Variants in WDR41 observed in about 807,000 individuals in gnomAD.
The protein encoded by WDR41 is WD repeat-containing protein 41.
In WDR41, 63 loss-of-function variants were observed where a neutral mutation model predicts 69.3. The observed-to-expected ratio is 0.91, with a 90% CI of 0.74 to 1.12. The LOEUF is 1.12. Among genes scored for constraint, WDR41 ranks in the 50% most tolerant of loss-of-function variants. The probability of loss-of-function intolerance (pLI) is 0.00; values close to 1 mark genes in which losing one functional copy is unlikely to be tolerated. For synonymous variants in WDR41, 185 were observed against 192.1 expected, an observed-to-expected ratio of 0.96 and a Z score of 0.31; for missense variants, 543 against 534.5, an observed-to-expected ratio of 1.02 and a Z score of -0.16.
At position 77,464,274 on chromosome 5, in the gene WDR41, C is replaced by CTTTTTT. The variant is rs71606297; in HGVS notation, c.216+481_216+486dup. Among the ~76,000 whole-genome samples the CTTTTTT allele has an allele frequency of 1.7e-3, 161 of 94,224 alleles. 3 individuals carry two copies. The highest frequency in any genetic ancestry group is 2.5e-3 in the African/African-American group (59 of 23,224). 61.8% of individuals were successfully genotyped at this position (94,224 alleles called of 152,430 possible). On this transcript the variant is annotated intron_variant, in intron 3 of 12. Coordinates refer to ENST00000296679, the MANE Select transcript of WDR41 (RefSeq NM_018268.4). ...TTGGCATTTGTTTCTTAGGAAAAAA[C>CTTTTTT]TTTTTTTTTTTTTTTTTTTTTTTGA...
At chr5:77,440,708 T>TG (rs1799124252) in intron 9 of WDR41, 105 bp downstream of exon 9, 1 of 1,110,430 alleles carries the variant, frequency 9.0e-7, no homozygotes, top group East Asian at 2.5e-5. Context: ...CCTGAAACCA[T>TG]GAATGATACC....
At chr5:77,530,915 T>C (rs1156399573) in intron 1 of WDR41, among the ~76,000 whole-genome samples, 1 of 151,780 alleles carries the variant, frequency 6.6e-6, no homozygotes, top group Non-Finnish European at 1.5e-5. Flanking sequence ...TAAATGTTAA[T>C]GGTACAAGAA....
At chr5:77,451,599 T>C (rs932694265) in intron 6 of WDR41, 1 of 396,692 alleles carries the variant, frequency 2.5e-6, no homozygotes, top group Non-Finnish European at 4.6e-6. Flanking sequence ...TTTTGTACTT[T>C]TTTTTACTAT....
intron 1 of WDR41, among the ~76,000 whole-genome samples, chr5:77,589,275 C>T (rs1744094530): frequency 6.6e-6 from 1 of 152,122 alleles, no homozygotes; most frequent in African/African-American, 2.4e-5. Flanking sequence ...ACCATATTTA[C>T]TATGGTTTTT....
intron 1 of WDR41, among the ~76,000 whole-genome samples, chr5:77,521,358 C>A (rs1802368746): frequency 6.6e-6 from 1 of 152,232 alleles, no homozygotes; most frequent in South Asian, 2.1e-4. Context: ...ATGCCGGCTC[C>A]CATGCCACTC....
chr5:77,492,526 C>T (rs1801860275), upstream of WDR41: 4 of 355,202 alleles, frequency 1.1e-5, no homozygotes, highest in East Asian at 4.4e-5. Flanking sequence ...GCGGGAGCGC[C>T]GCCGGGTAGC....
chr5:77,475,034 C>T (rs1255144413), intron 2 of WDR41, among the ~76,000 whole-genome samples: 3 of 152,192 alleles, frequency 2.0e-5, no homozygotes, highest in African/African-American at 7.2e-5. Flanking sequence ...GTTCCCTTTC[C>T]TAGTCAAAGA....
chr5:77,589,692 C>A (rs1744102273), intron 1 of WDR41, among the ~76,000 whole-genome samples: 1 of 152,008 alleles, frequency 6.6e-6, no homozygotes, highest in Non-Finnish European at 1.5e-5. Flanking sequence ...GTATTTTGAT[C>A]TTGCCAAATT....
chr5:77,448,797 G>C (rs1249669296), intron 8 of WDR41, among the ~76,000 whole-genome samples: 1 of 151,990 alleles, frequency 6.6e-6, no homozygotes, highest in Non-Finnish European at 1.5e-5. Context: ...GAACCCGGGG[G>C]GCAGAGGTTG....
At chr5:77,478,096 A>T (rs1271459342) in intron 2 of WDR41, among the ~76,000 whole-genome samples, 5 of 152,228 alleles carry the variant, frequency 3.3e-5, no homozygotes, top group Non-Finnish European at 7.3e-5. Context: ...AAATTCCTCG[A>T]CACATACACC....
rs148957435 is a variant in WDR41, at chr5:77,440,916, C to G, written c.779G>C (p.Arg260Pro). 6.2e-7 allele frequency: 1 copy of G among 1,614,064 alleles called. No homozygotes were observed. Among genetic ancestry groups the G allele is most frequent in the East Asian group, 2.2e-5 (1 of 44,858 alleles). ...ALDWTMQAYE[R>P]NFWDPSPQLD... is the part of the protein sequence containing the mutation. ...TTGTGGAGATGGGTCCCAGAAGTTGCGTTCATAGGCCTGCATGGTCCAGTC... is the reference window on the plus strand; with the variant it reads ...TTGTGGAGATGGGTCCCAGAAGTTGGGTTCATAGGCCTGCATGGTCCAGTC... Residue 260 changes from arginine to proline, a missense_variant, in exon 9 of 13, where the codon CGC becomes CCC. Transcript: ENST00000296679.
chr5:77,595,339 G>A (rs553001444), intron 1 of WDR41, among the ~76,000 whole-genome samples: 1 of 152,202 alleles, frequency 6.6e-6, no homozygotes, highest in East Asian at 1.9e-4. Context: ...TTTTATGTAC[G>A]TTATTTTTCA....
intron 2 of WDR41, among the ~76,000 whole-genome samples, chr5:77,474,840 G>A (rs922889585): frequency 5.9e-5 from 9 of 152,080 alleles, no homozygotes; most frequent in Non-Finnish European, 8.8e-5. Flanking sequence ...GAACAGCTCC[G>A]GTCTACAGCT....
At chr5:77,542,929 C>T (rs1285584897) in intron 1 of WDR41, among the ~76,000 whole-genome samples, 1 of 152,164 alleles carries the variant, frequency 6.6e-6, no homozygotes, top group East Asian at 1.9e-4. Flanking sequence ...ACCCCAAATA[C>T]TGTGCTGGTA....
intron 1 of WDR41, among the ~76,000 whole-genome samples, chr5:77,517,171 T>A (rs1331260217): frequency 6.6e-6 from 1 of 152,176 alleles, no homozygotes; most frequent in Non-Finnish European, 1.5e-5. Context: ...TAACCTCTAT[T>A]CTGAGCAGTG....
intron 1 of WDR41, chr5:77,582,804 G>C: frequency 1.9e-6 from 3 of 1,600,948 alleles, no homozygotes; most frequent in Non-Finnish European, 2.5e-6. Context: ...TAGCATGGGG[G>C]TACCCCAATC....
chr5:77,538,128 C>T (rs1359479646), intron 1 of WDR41, among the ~76,000 whole-genome samples: 2 of 152,164 alleles, frequency 1.3e-5, no homozygotes, highest in Non-Finnish European at 2.9e-5. Context: ...CTCTCTATTT[C>T]CATGATTCCA....
chr5:77,537,424 CT>C (rs1223722970), intron 1 of WDR41, among the ~76,000 whole-genome samples: 1 of 152,122 alleles, frequency 6.6e-6, no homozygotes, highest in African/African-American at 2.4e-5. Flanking sequence ...GGCCCAGAGC[CT>C]TTATTGGGGT....
intron 1 of WDR41, among the ~76,000 whole-genome samples, chr5:77,567,895 ATGAAGGGTCCATGGACCACATGTT>A (rs1743662945): frequency 6.6e-6 from 1 of 151,856 alleles, no homozygotes; most frequent in South Asian, 2.1e-4. Flanking sequence ...TGATTCAAGT[ATGAAGGGTCCATGGACCACATGTT>A]GAAAATCAGT....
Sources: gnomAD v4.1 joint callset for allele counts (sites outside exome capture counted in the v4.1 genomes callset) on GRCh38, gnomAD v4.1.1 for gene constraint, MANE v1.5 for transcripts, NCBI Gene and HGNC (gene_info 2026-07-23, HGNC 2026-07-21) for gene names.